Variants in ANO6 observed in about 807,000 individuals in gnomAD.
ANO6 encodes anoctamin-6.
Under a neutral mutation model 117.5 loss-of-function variants are expected in ANO6, and 106 were observed. The observed-to-expected ratio is 0.90, with a 90% CI of 0.77 to 1.06. ANO6 has a LOEUF of 1.06. ANO6 is among the 50% of genes least tolerant of loss of function. The probability of loss-of-function intolerance (pLI) is 0.00; values close to 1 mark genes in which losing one functional copy is unlikely to be tolerated. For missense variants in ANO6, 955 were observed against 1,121.1 expected (o/e 0.85, Z 2.12); for synonymous variants, 367 against 385.1 (o/e 0.95, Z 0.55).
intron 15 of ANO6, among the ~76,000 whole-genome samples, chr12:45,406,473 G>A (rs1942938211): frequency 6.6e-6 from 1 of 152,134 alleles, no homozygotes; most frequent in Non-Finnish European, 1.5e-5. Context: ...GATCCAAAAT[G>A]TCTGTAGTAT....
intron 1 of ANO6, among the ~76,000 whole-genome samples, chr12:45,222,884 A>G (rs763997094): frequency 6.6e-6 from 1 of 152,202 alleles, no homozygotes; most frequent in African/African-American, 2.4e-5. Flanking sequence ...CATTCAGTCT[A>G]TTAGTATTAA....
At chr12:45,417,050 C>A in intron 17 of ANO6, 146 bp downstream of exon 17, 2 of 784,434 alleles carry the variant, frequency 2.5e-6, no homozygotes, top group South Asian at 1.7e-5. Context: ...CTATATATAA[C>A]CACTTGTTAA....
intron 9 of ANO6, among the ~76,000 whole-genome samples, chr12:45,369,480 C>A (rs1010308101): frequency 2.0e-5 from 3 of 151,616 alleles, no homozygotes; most frequent in Non-Finnish European, 4.4e-5. Context: ...TTCAAATATA[C>A]CCCTGTGTGC....
chr12:45,434,431 TTTTC>T (rs1158973786), downstream of ANO6, among the ~76,000 whole-genome samples: 6 of 152,182 alleles, frequency 3.9e-5, no homozygotes, highest in Non-Finnish European at 5.9e-5. Flanking sequence ...CCGCTGGGCT[TTTTC>T]TCCCCTACTT....
At chr12:45,285,590 G>A (rs557033391) in intron 1 of ANO6, among the ~76,000 whole-genome samples, 2 of 152,234 alleles carry the variant, frequency 1.3e-5, no homozygotes, top group African/African-American at 2.4e-5. Context: ...TTAGCCAGGC[G>A]TTGTGCTACG....
intron 1 of ANO6, among the ~76,000 whole-genome samples, chr12:45,272,920 G>A (rs1461102711): frequency 3.9e-5 from 6 of 152,114 alleles, no homozygotes; most frequent in Admixed American, 3.9e-4. Flanking sequence ...TCCATTGATG[G>A]ATGAATGGAT....
intron 8 of ANO6, among the ~76,000 whole-genome samples, chr12:45,362,618 C>T (rs919302390): frequency 1.3e-5 from 2 of 151,414 alleles, no homozygotes; most frequent in African/African-American, 4.9e-5. Context: ...TTTTCTATTC[C>T]TTCATTACTA....
intron 12 of ANO6, among the ~76,000 whole-genome samples, chr12:45,400,215 T>C (rs894504539): frequency 2.0e-5 from 3 of 152,236 alleles, no homozygotes; most frequent in Non-Finnish European, 4.4e-5. Flanking sequence ...TAAACAAATA[T>C]ACATGTGCTA....
chr12:45,289,731 T>C (rs1376878758), intron 1 of ANO6, among the ~76,000 whole-genome samples: 1 of 152,218 alleles, frequency 6.6e-6, no homozygotes, highest in Non-Finnish European at 1.5e-5. Flanking sequence ...ATTTGTGAGA[T>C]GATTAGAGGA....
At chr12:45,323,925 T>C (rs1454024215) in intron 2 of ANO6, among the ~76,000 whole-genome samples, 1 of 148,066 alleles carries the variant, frequency 6.8e-6, no homozygotes, top group Non-Finnish European at 1.5e-5. Context: ...TTTTTTGTTG[T>C]TGTTGTTGTA....
intron 9 of ANO6, among the ~76,000 whole-genome samples, chr12:45,374,011 T>A (rs1264169140): frequency 1.3e-5 from 2 of 151,748 alleles, no homozygotes; most frequent in African/African-American, 2.4e-5. Flanking sequence ...TAAAAAATGA[T>A]AAAGGGGATA....
intron 7 of ANO6, 61 bp downstream of exon 7, chr12:45,350,835 T>G (rs1008288633): frequency 2.3e-5 from 31 of 1,341,770 alleles, no homozygotes; most frequent in Non-Finnish European, 3.3e-5. Flanking sequence ...CCACAGCATC[T>G]GAATGTGACA....
rs143402542 is a variant in ANO6, at chr12:45,421,204, A to G, written c.2351A>G (p.Lys784Arg). ...GYINNTLSIF[K>R]VADFKNKSKG... ...ATCAACAACACTCTCTCCATCTTCA[A>G]AGTCGCAGACTTCAAAAACAAAAGC... is the stretch of plus-strand genomic sequence containing the variant. Residue 784 changes from lysine to arginine, a missense_variant, in exon 18 of 20, where the codon AAA becomes AGA. Transcript: ENST00000320560. 9 of 1,614,052 alleles carry G rather than the reference A, an allele frequency of 5.6e-6. No homozygotes were observed. The highest frequency in any genetic ancestry group is 4.4e-5 in the South Asian group (4 of 91,088).
At chr12:45,218,382 T>C (rs1947347282) in intron 1 of ANO6, among the ~76,000 whole-genome samples, 1 of 149,826 alleles carries the variant, frequency 6.7e-6, no homozygotes, top group Non-Finnish European at 1.5e-5. Flanking sequence ...TTCTGTTTCT[T>C]TCTTTCTCTT....
intron 10 of ANO6, 21 bp downstream of exon 10, chr12:45,378,134 TCA>T: frequency 6.4e-7 from 1 of 1,559,254 alleles, no homozygotes; most frequent in Non-Finnish European, 8.8e-7. Flanking sequence ...TTTTTTTTTT[TCA>T]TGCACTCAAT....
At chr12:45,367,122 C>G (rs937352612) in intron 8 of ANO6, among the ~76,000 whole-genome samples, 2 of 152,156 alleles carry the variant, frequency 1.3e-5, no homozygotes, top group African/African-American at 4.8e-5. Flanking sequence ...GCTGGGATTA[C>G]AGGCACGCAC....
At chr12:45,342,695 T>A (rs1941014459) in intron 3 of ANO6, among the ~76,000 whole-genome samples, 1 of 152,334 alleles carries the variant, frequency 6.6e-6, no homozygotes, top group African/African-American at 2.4e-5. Context: ...AGTTTATTCA[T>A]TCATCAGACA....
chr12:45,407,097 A>C (rs1942954451), intron 15 of ANO6, among the ~76,000 whole-genome samples: 1 of 152,224 alleles, frequency 6.6e-6, no homozygotes, highest in African/African-American at 2.4e-5. Flanking sequence ...AGCTCCCTGC[A>C]CTAGAAACAC....
chr12:45,303,989 C>G (rs1371928998), intron 2 of ANO6, among the ~76,000 whole-genome samples: 3 of 152,154 alleles, frequency 2.0e-5, no homozygotes, highest in Non-Finnish European at 2.9e-5. Context: ...TGTATCCTGG[C>G]TATTATCTTT....
Sources: gnomAD v4.1 joint callset for allele counts (sites outside exome capture counted in the v4.1 genomes callset) on GRCh38, gnomAD v4.1.1 for gene constraint, MANE v1.5 for transcripts, NCBI Gene and HGNC (gene_info 2026-07-23, HGNC 2026-07-21) for gene names.